The following CTAGE1 variants were observed in gnomAD, a reference collection of about 807,000 sequenced individuals.
CTAGE1 encodes cTAGE family member 2.
For synonymous variants in CTAGE1, 332 were observed against 302.8 expected (o/e 1.10, Z -1.00); for missense variants, 963 against 855.9 (o/e 1.13, Z -1.56).
In CTAGE1 at chr18:22,415,482, A is replaced by T; in HGVS notation, c.*92T>A. On this transcript the variant is annotated 3_prime_UTR_variant, in exon 1 of 1. Coordinates refer to ENST00000391403, the MANE Select transcript of CTAGE1 (RefSeq NM_172241.3). ...TCAAAATTACTTTTGAAGAGGGCAA[A>T]CATGTTGTTAGGTTTCTTGCTGTCG... The T allele has an allele frequency of 1.9e-6, 2 of 1,075,370 alleles. No homozygotes were observed. Among genetic ancestry groups the T allele is most frequent in the Non-Finnish European group, 2.7e-6 (2 of 732,430 alleles). 66.6% of individuals were successfully genotyped at this position (1,075,370 alleles called of 1,614,324 possible).
In CTAGE1 at chr18:22,416,555, T is replaced by C. The variant is rs2035017657; in HGVS notation, c.1257A>G (p.Gln419=). 1 of 1,610,614 alleles carries C rather than the reference T, an allele frequency of 6.2e-7. No individual in the cohort carries two copies. Among genetic ancestry groups the C allele is most frequent in the Non-Finnish European group, 8.5e-7 (1 of 1,179,360 alleles). The change falls in exon 1 of 1, where the codon CAA becomes CAG. Residue 419 remains glutamine (Q), a synonymous_variant. Coordinates refer to ENST00000391403, the MANE Select transcript of CTAGE1 (RefSeq NM_172241.3). The part of the protein sequence containing the change: ...KEFEKTIHFY[Q]KKIILHEKKA... ...TTTTCTCATGGAGAATAATCTTCTTTTGATAAAAATGAATAGTTTTCTCAA... is the reference window on the plus strand; with the variant it reads ...TTTTCTCATGGAGAATAATCTTCTTCTGATAAAAATGAATAGTTTTCTCAA...
Position 22,417,844 on chromosome 18 carries a change from G to A in CTAGE1, c.-33C>T. 1 of 1,607,550 alleles carries A rather than the reference G, an allele frequency of 6.2e-7. No homozygotes were observed. Among genetic ancestry groups the A allele is most frequent in the Non-Finnish European group, 8.5e-7 (1 of 1,174,128 alleles). ...GTCAGTGCTGCCACAACCCTGCGTA[G>A]CAACTCCAGGACCAGCCCCAGGTAT... On this transcript the variant is annotated 5_prime_UTR_variant, in exon 1 of 1. Transcript: ENST00000391403.
Position 22,417,838 on chromosome 18 carries a change from T to G in CTAGE1, c.-27A>C, listed in dbSNP as rs1396549705. 1.2e-6 allele frequency: 2 copies of G among 1,611,474 alleles called. No homozygotes were observed. Among genetic ancestry groups the G allele is most frequent in the African/African-American group, 2.7e-5 (2 of 74,896 alleles). Reference sequence around the variant, plus strand: ...CCTTCAGTCAGTGCTGCCACAACCCTGCGTAGCAACTCCAGGACCAGCCCC... The same window carrying G: ...CCTTCAGTCAGTGCTGCCACAACCCGGCGTAGCAACTCCAGGACCAGCCCC... On this transcript the variant is annotated 5_prime_UTR_variant, in exon 1 of 1. Transcript: ENST00000391403.
At position 22,416,428 on chromosome 18, in the gene CTAGE1, A is replaced by T; in HGVS notation, c.1384T>A (p.Phe462Ile). Reference protein sequence around the residue: ...HNRQKLTEIEFKIKLLEKDPY... With the variant: ...HNRQKLTEIEIKIKLLEKDPY... ...TCTTTTTCTAAAAGTTTTATTTTAA[A>T]CTCTATTTCAGTTAATTTTTGTCTG... The change falls in exon 1 of 1, where the codon TTT becomes ATT. Residue 462 changes from phenylalanine (F) to isoleucine (I), a missense_variant. Coordinates refer to ENST00000391403, the MANE Select transcript of CTAGE1 (RefSeq NM_172241.3). 1 of 1,613,166 alleles carries T rather than the reference A, an allele frequency of 6.2e-7. No individual in the cohort carries two copies. Among genetic ancestry groups the T allele is most frequent in the South Asian group, 1.1e-5 (1 of 90,836 alleles).
rs1411409365 is a variant in CTAGE1 at position 22,417,165 on chromosome 18, A to G, written c.647T>C (p.Phe216Ser). 1.2e-6 allele frequency: 2 copies of G among 1,613,872 alleles called. No homozygotes were observed. Among genetic ancestry groups the G allele is most frequent in the East Asian group, 2.2e-5 (1 of 44,864 alleles). ...VSELIKQKRT[F>S]EDSKVHAEQV... is the part of the protein sequence containing the mutation. ...TTCTGCATGTACTTTGGAGTCTTCA[A>G]ATGTTCTTTTCTGTTTAATAAGTTC... Residue 216 changes from phenylalanine (F) to serine (S), a missense_variant, in exon 1 of 1, where the codon TTT becomes TCT. Transcript: ENST00000391403.
chr18:22,415,737 G>A lies in CTAGE1; in HGVS notation c.2075C>T (p.Pro692Leu), dbSNP rs569260453. The A allele has an allele frequency of 6.2e-7, 1 of 1,614,060 alleles. No individual in the cohort carries two copies. The highest frequency in any genetic ancestry group is 8.5e-7 in the Non-Finnish European group (1 of 1,179,958). The part of the protein sequence containing the change: ...IRRGPPFPPP[P>L]PGTVFGASPD... ...AGAAGCTCCAAACACGGTTCCTGGA[G>A]GAGGTGGGGGGAAAGGAGGTCCTCT... The change falls in exon 1 of 1, where the codon CCT becomes CTT. Residue 692 changes from proline to leucine, a missense_variant. By Grantham distance (98) the Pro-to-Leu change is moderately conservative. Transcript: ENST00000391403.
chr18:22,416,397 T>C lies in CTAGE1; in HGVS notation c.1415A>G (p.Tyr472Cys). 1 of 1,613,828 alleles carries C rather than the reference T, an allele frequency of 6.2e-7. No homozygotes were observed. The highest frequency in any genetic ancestry group is 8.5e-7 in the Non-Finnish European group (1 of 1,179,840). The change falls in exon 1 of 1, where the codon TAT becomes TGT. Residue 472 changes from tyrosine to cysteine, a missense_variant. By Grantham distance (194) the Tyr-to-Cys change is radical. Coordinates refer to ENST00000391403, the MANE Select transcript of CTAGE1 (RefSeq NM_172241.3). ...FKIKLLEKDP[Y>C]GLDVPNTAFG... is the part of the protein sequence containing the mutation. Reference sequence around the variant, plus strand: ...TGCTGTATTTGGAACATCAAGTCCATAAGGATCTTTTTCTAAAAGTTTTAT... The same window carrying C: ...TGCTGTATTTGGAACATCAAGTCCACAAGGATCTTTTTCTAAAAGTTTTAT...
In CTAGE1 at chr18:22,416,500, T is replaced by C; in HGVS notation, c.1312A>G (p.Thr438Ala). 1.9e-6 allele frequency: 3 copies of C among 1,614,078 alleles called. No homozygotes were observed. The highest frequency in any genetic ancestry group is 2.5e-6 in the Non-Finnish European group (3 of 1,179,976). ...KAHDNWSAAWTAERNLNDLRK... is the reference protein window; with the variant it reads ...KAHDNWSAAWAAERNLNDLRK... ...AAATCATTGAGGTTTCTTTCAGCAG[T>C]CCAAGCTGCCGACCAATTATCATGT... Residue 438 changes from threonine (T) to alanine (A), a missense_variant, in exon 1 of 1, where the codon ACT (threonine) becomes GCT (alanine). Transcript: ENST00000391403.
At position 22,416,143 on chromosome 18, in the gene CTAGE1, C is replaced by T. The variant is rs1335731740; in HGVS notation, c.1669G>A (p.Ala557Thr). The change falls in exon 1 of 1, where the codon GCT becomes ACT. Residue 557 changes from alanine to threonine, a missense_variant. Transcript: ENST00000391403. Reference sequence around the variant, plus strand: ...GCCAGGGGCCCAGCGTCAGAAGGAGCCCTGTGAGGATCAGTTAACCTATCA... The same window carrying T: ...GCCAGGGGCCCAGCGTCAGAAGGAGTCCTGTGAGGATCAGTTAACCTATCA... ...SCDRLTDPHR[A>T]PSDAGPLAPP... is the part of the protein sequence containing the mutation. 4.3e-6 allele frequency: 7 copies of T among 1,613,930 alleles called. No homozygotes were observed. The South Asian group carries it at 7.7e-5, about 18-fold the overall frequency.
chr18:22,417,325 T>A lies in CTAGE1; in HGVS notation c.487A>T (p.Thr163Ser). The A allele has an allele frequency of 6.2e-7, 1 of 1,613,998 alleles. No homozygotes were observed. The highest frequency in any genetic ancestry group is 1.3e-5 in the African/African-American group (1 of 75,040). ...LKSQVAEAKM[T>S]FKRFQANEER... is the part of the protein sequence containing the mutation. ...TCATTCGCTTGAAATCTCTTGAAGG[T>A]CATTTTGGCTTCAGCTACTTGTGAT... Residue 163 changes from threonine (T) to serine (S), a missense_variant, in exon 1 of 1, where the codon ACC (threonine) becomes TCC (serine). Coordinates refer to ENST00000391403, the MANE Select transcript of CTAGE1 (RefSeq NM_172241.3).
rs757345410 is a variant in CTAGE1 at position 22,416,898 on chromosome 18, T to G, written c.914A>C (p.Gln305Pro). The change falls in exon 1 of 1, where the codon CAA becomes CCA. Residue 305 changes from glutamine (Q) to proline (P), a missense_variant. Gln to Pro is a moderately conservative substitution (Grantham distance 76). Transcript: ENST00000391403. Reference sequence around the variant, plus strand: ...AACTTCAGATAATTGAATATAAATTTGGTTTCTTTCTCCTTCTAAGGTTTT... The same window carrying G: ...AACTTCAGATAATTGAATATAAATTGGGTTTCTTTCTCCTTCTAAGGTTTT... ...SLKTLEGERN[Q>P]IYIQLSEVDK... is the part of the protein sequence containing the mutation. 1 of 1,613,748 alleles carries G rather than the reference T, an allele frequency of 6.2e-7. No homozygotes were observed. The highest frequency in any genetic ancestry group is 1.1e-5 in the South Asian group (1 of 91,014).
Position 22,416,833 on chromosome 18 carries a change from G to T in CTAGE1, c.979C>A (p.Leu327Ile), listed in dbSNP as rs1418826465. ...TGCAAAGATGCTTGTTCAGTCTGAA[G>T]ATTTTTAATATGCTCTGTAAGCTCT... The part of the protein sequence containing the change: ...KEELTEHIKN[L>I]QTEQASLQSE... Residue 327 changes from leucine (L) to isoleucine (I), a missense_variant, in exon 1 of 1, where the codon CTT becomes ATT. Leu to Ile is a conservative substitution (Grantham distance 5, BLOSUM62 2). Coordinates refer to ENST00000391403, the MANE Select transcript of CTAGE1 (RefSeq NM_172241.3). 6.2e-7 allele frequency: 1 copy of T among 1,612,750 alleles called. No individual in the cohort carries two copies. Among genetic ancestry groups the T allele is most frequent in the Admixed American group, 1.7e-5 (1 of 59,988 alleles).
Position 22,416,343 on chromosome 18 carries a change from G to A in CTAGE1, c.1469C>T (p.Pro490Leu). The A allele has an allele frequency of 6.2e-7, 1 of 1,613,912 alleles. No homozygotes were observed. Among genetic ancestry groups the A allele is most frequent in the Non-Finnish European group, 8.5e-7 (1 of 1,179,866 alleles). ...AFGRQHSPYG[P>L]SPLGWPSSET... ...AGATGAAGGCCAACCCAATGGTGAG[G>A]GACCATATGGGGAATGCTGTCTGCC... The change falls in exon 1 of 1, where the codon CCC becomes CTC. Residue 490 changes from proline (P) to leucine (L), a missense_variant. Coordinates refer to ENST00000391403, the MANE Select transcript of CTAGE1 (RefSeq NM_172241.3).
Position 22,414,757 on chromosome 18 carries a change from T to C in CTAGE1, c.*817A>G, listed in dbSNP as rs1376942295. 1 of 702,890 alleles carries C rather than the reference T, an allele frequency of 1.4e-6. No homozygotes were observed. The highest frequency in any genetic ancestry group is 2.7e-5 in the East Asian group (1 of 37,284). 43.5% of individuals were successfully genotyped at this position (702,890 alleles called of 1,614,324 possible). A position where few individuals can be genotyped will look rare whatever the true frequency, so the allele number is the denominator to read the frequency against. Reference sequence around the variant, plus strand: ...CAGGAGAAACTGATCTATATAATTCTGGGGCAAGTAAAAGTTCTGGATAAA... The same window carrying C: ...CAGGAGAAACTGATCTATATAATTCCGGGGCAAGTAAAAGTTCTGGATAAA... On this transcript the variant is annotated 3_prime_UTR_variant, in exon 1 of 1. Transcript: ENST00000391403.
rs1228255655 is a variant in CTAGE1 at position 22,414,396 on chromosome 18, A to G, written c.*1178T>C. On this transcript the variant is annotated 3_prime_UTR_variant, in exon 1 of 1. Coordinates refer to ENST00000391403, the MANE Select transcript of CTAGE1 (RefSeq NM_172241.3). Reference sequence around the variant, plus strand: ...CTTTTCTTTTATTTTATTACATTCAAGCAGAGACTGGAGTGGCATTAACTG... The same window carrying G: ...CTTTTCTTTTATTTTATTACATTCAGGCAGAGACTGGAGTGGCATTAACTG... 1.4e-5 allele frequency: 6 copies of G among 442,044 alleles called. No homozygotes were observed. In the East Asian group the frequency reaches 1.8e-4, roughly 13 times the overall value. 27.4% of individuals were successfully genotyped at this position (442,044 alleles called of 1,614,324 possible).
Position 22,417,479 on chromosome 18 carries a change from A to G in CTAGE1, c.333T>C (p.Leu111=), listed in dbSNP as rs1783006226. ...CEKLNRFNSE[L]VHEILCLEKE... ...TTTCTAGACAGAGTATTTCATGCACAAGTTCAGAATTGAACCTGTTCAGCT... is the reference window on the plus strand; with the variant it reads ...TTTCTAGACAGAGTATTTCATGCACGAGTTCAGAATTGAACCTGTTCAGCT... Residue 111 remains leucine (L), a synonymous_variant, in exon 1 of 1, where the codon CTT becomes CTC. Transcript: ENST00000391403. 1 of 1,613,870 alleles carries G rather than the reference A, an allele frequency of 6.2e-7. No individual in the cohort carries two copies. Among genetic ancestry groups the G allele is most frequent in the African/African-American group, 1.3e-5 (1 of 74,916 alleles).
Position 22,414,803 on chromosome 18 carries a change from A to G in CTAGE1, c.*771T>C, listed in dbSNP as rs1278818572. 1 of 702,648 alleles carries G rather than the reference A, an allele frequency of 1.4e-6. No individual in the cohort carries two copies. Among genetic ancestry groups the G allele is most frequent in the Non-Finnish European group, 2.6e-6 (1 of 384,994 alleles). The allele number at this position is 702,648 out of a possible 1,614,324, so 43.5% of individuals were successfully genotyped here. A position where few individuals can be genotyped will look rare whatever the true frequency, so the allele number is the denominator to read the frequency against. ...ATAAAGTTGTTCCCACCAAATAAAA[A>G]TAAAACAAAAGAAATAACAACACAA... On this transcript the variant is annotated 3_prime_UTR_variant, in exon 1 of 1. Coordinates refer to ENST00000391403, the MANE Select transcript of CTAGE1 (RefSeq NM_172241.3).
At position 22,415,888 on chromosome 18, in the gene CTAGE1, A is replaced by T; in HGVS notation, c.1924T>A (p.Leu642Ile). The T allele has an allele frequency of 6.2e-7, 1 of 1,613,914 alleles. No homozygotes were observed. ...RNDTKDNLGN[L>I]KVPDSSLPAE... Reference sequence around the variant, plus strand: ...GGGAGAGATGAATCAGGCACCTTTAAATTACCAAGATTATCTTTGGTATCA... The same window carrying T: ...GGGAGAGATGAATCAGGCACCTTTATATTACCAAGATTATCTTTGGTATCA... Residue 642 changes from leucine (L) to isoleucine (I), a missense_variant, in exon 1 of 1, where the codon TTA (leucine) becomes ATA (isoleucine). Transcript: ENST00000391403.
Position 22,415,782 on chromosome 18 carries a change from G to C in CTAGE1, c.2030C>G (p.Thr677Arg). 29 of 1,613,962 alleles carry C rather than the reference G, an allele frequency of 1.8e-5. No individual in the cohort carries two copies. Among genetic ancestry groups the C allele is most frequent in the Non-Finnish European group, 2.4e-5 (28 of 1,179,858 alleles). ...PIRGLLFPVD[T>R]RGPFIRRGPP... Reference sequence around the variant, plus strand: ...TCCTCTTCTTATGAACGGGCCCCTTGTATCTACTGGAAACAATAAACCTCT... The same window carrying C: ...TCCTCTTCTTATGAACGGGCCCCTTCTATCTACTGGAAACAATAAACCTCT... The change falls in exon 1 of 1, where the codon ACA becomes AGA. Residue 677 changes from threonine to arginine, a missense_variant. Coordinates refer to ENST00000391403, the MANE Select transcript of CTAGE1 (RefSeq NM_172241.3).
Sources: gnomAD v4.1 joint callset for allele counts on GRCh38, gnomAD v4.1.1 for gene constraint, MANE v1.5 for transcripts, NCBI Gene and HGNC (gene_info 2026-07-23, HGNC 2026-07-21) for gene names.